Variants in SLC12A2 observed in about 807,000 individuals in gnomAD.
SLC12A2 encodes Na-K-2Cl cotransporter 1.
Under a neutral mutation model 136.3 loss-of-function variants are expected in SLC12A2, and 67 were observed. The ratio of observed to expected loss-of-function variants is 0.49; its 90% CI spans 0.40 to 0.60. The LOEUF is 0.60. SLC12A2 is among the 20% of genes least tolerant of loss of function. The pLI is 0.00. For missense variants in SLC12A2, 1,322 were observed against 1,534.7 expected (o/e 0.86, Z 2.32); for synonymous variants, 619 against 562.9 (o/e 1.10, Z -1.41).
rs1222541724 is a variant in SLC12A2 at position 128,186,537 on chromosome 5, T to A, written c.3545T>A (p.Leu1182His). The A allele has an allele frequency of 2.2e-5, 36 of 1,613,664 alleles. No homozygotes were observed. Among genetic ancestry groups the A allele is most frequent in the Non-Finnish European group, 3.0e-5 (35 of 1,179,900 alleles). The change falls in exon 27 of 27, where the codon CTC becomes CAC. Residue 1182 changes from leucine (L) to histidine (H), a missense_variant. Leu to His is a moderately conservative substitution (Grantham distance 99, BLOSUM62 -3). Coordinates refer to ENST00000262461, the MANE Select transcript of SLC12A2 (RefSeq NM_001046.3). ...VARKGAVSSA[L>H]YMAWLEALSK... is the part of the protein sequence containing the mutation. Reference sequence around the variant, plus strand: ...CGAAAAGGTGCTGTGTCTAGTGCTCTCTACATGGCATGGTTAGAAGCTCTA... The same window carrying A: ...CGAAAAGGTGCTGTGTCTAGTGCTCACTACATGGCATGGTTAGAAGCTCTA...
intron 23 of SLC12A2, 111 bp downstream of exon 23, chr5:128,181,105 T>TG (rs1188199716): frequency 1.2e-5 from 9 of 739,818 alleles, no homozygotes; most frequent in Non-Finnish European, 2.1e-5. Flanking sequence ...TATCTTGCTT[T>TG]GTTCTTTACT....
intron 15 of SLC12A2, among the ~76,000 whole-genome samples, chr5:128,153,604 G>A (rs1368986371): frequency 2.0e-5 from 3 of 151,986 alleles, no homozygotes; most frequent in African/African-American, 2.4e-5. Context: ...ATTAACCATC[G>A]GTATAAACTT....
intron 1 of SLC12A2, among the ~76,000 whole-genome samples, chr5:128,104,105 T>C (rs1581061863): frequency 6.6e-6 from 1 of 152,088 alleles, no homozygotes; most frequent in African/African-American, 2.4e-5. Context: ...GGTCTAGAGG[T>C]TGCAGTGGGA....
Position 128,084,602 on chromosome 5 carries a change from C to T in SLC12A2, c.648C>T (p.Asn216=), listed in dbSNP as rs774463605. ...ACTACCTGCGCACCTTCGGCCACAA[C>T]ACCATGGACGCTGTGCCCAGGATCG... ...NTYYLRTFGH[N]TMDAVPRIDH... The change falls in exon 1 of 27, where the codon AAC becomes AAT. Residue 216 remains asparagine, a synonymous_variant. Transcript: ENST00000262461. The surrounding 1 kb of genome is among the most constrained non-coding windows in gnomAD (Gnocchi z 5.6). The T allele has an allele frequency of 2.5e-6, 4 of 1,613,670 alleles. No homozygotes were observed. The South Asian group carries it at 3.3e-5, about 13-fold the overall frequency.
intron 1 of SLC12A2, among the ~76,000 whole-genome samples, chr5:128,099,015 C>A (rs532862782): frequency 6.6e-6 from 1 of 152,280 alleles, no homozygotes; most frequent in Non-Finnish European, 1.5e-5. Flanking sequence ...AGGGATCTGA[C>A]AAAAGTGCAG....
intron 4 of SLC12A2, among the ~76,000 whole-genome samples, chr5:128,125,581 T>C (rs1333439858): frequency 1.3e-5 from 2 of 152,210 alleles, no homozygotes; most frequent in Non-Finnish European, 2.9e-5. Flanking sequence ...TGTGTGTATT[T>C]GTTCTCAGTC....
intron 10 of SLC12A2, among the ~76,000 whole-genome samples, chr5:128,146,901 G>C (rs911395986): frequency 1.7e-4 from 26 of 151,514 alleles, no homozygotes; most frequent in African/African-American, 6.3e-4. Context: ...GATAGAACCA[G>C]TTTACTAGAA....
At position 128,122,524 on chromosome 5, in the gene SLC12A2, T is replaced by C. The variant is rs529697154; in HGVS notation, c.1048+7843T>C. On this transcript the variant is annotated intron_variant, in intron 4 of 26. Coordinates refer to ENST00000262461, the MANE Select transcript of SLC12A2 (RefSeq NM_001046.3). ...GATAGTGAGAACAAAAAATCAATTA[T>C]ACCCATTTTTTAACAAAATTAATTT... Among the ~76,000 whole-genome samples, 4 of 152,318 alleles carry C rather than the reference T, an allele frequency of 2.6e-5. No individual in the cohort carries two copies. In the South Asian group the frequency reaches 6.2e-4, roughly 24 times the overall value.
intron 14 of SLC12A2, 26 bp from the exon 15 acceptor site, chr5:128,152,680 G>C: frequency 7.1e-7 from 1 of 1,404,106 alleles, no homozygotes. Flanking sequence ...TGATGTTAAT[G>C]CTGCATGAAC....
rs70997362 is a variant in SLC12A2 at position 128,102,596 on chromosome 5, CTTTTTTTTTTTT to C, written c.757-10198_757-10187del. The stretch of plus-strand genomic sequence containing the variant: ...TTCTGTAATTCACCCCCCCCCCCGC[CTTTTTTTTTTTT>C]TTTTTTTTTTTTTTTTTTTCTTTTG... On this transcript the variant is annotated intron_variant, in intron 1 of 26. Transcript: ENST00000262461. Among the ~76,000 whole-genome samples the C allele has an allele frequency of 2.8e-3, 112 of 40,460 alleles. 2 individuals are homozygous for C. The highest frequency in any genetic ancestry group is 6.9e-3 in the East Asian group (12 of 1,746). The allele number at this position is 40,460 out of a possible 152,430, so 26.5% of individuals were successfully genotyped here. A position where few individuals can be genotyped will look rare whatever the true frequency, so the allele number is the denominator to read the frequency against.
chr5:128,086,352 AAC>A (rs1181033396), intron 1 of SLC12A2, among the ~76,000 whole-genome samples: 1 of 152,220 alleles, frequency 6.6e-6, no homozygotes, highest in East Asian at 1.9e-4. Flanking sequence ...TCTAAAAAAC[AAC>A]ACCTGTACTG....
intron 4 of SLC12A2, among the ~76,000 whole-genome samples, chr5:128,119,608 T>A (rs1761480086): frequency 6.6e-6 from 1 of 152,254 alleles, no homozygotes; most frequent in Admixed American, 6.5e-5. Flanking sequence ...AGTACCATGC[T>A]GTTTTGGTTA....
In SLC12A2 at chr5:128,138,802, A is replaced by T. The variant is rs1167038591; in HGVS notation, c.1537-22A>T. The stretch of plus-strand genomic sequence containing the variant: ...ATATTTATTTTTACAGATAGACTTT[A>T]AAAAATCTTCTTGTCTTCTAGGATC... On this transcript the variant is annotated intron_variant, in intron 8 of 26. Transcript: ENST00000262461. 4 of 1,605,980 alleles carry T rather than the reference A, an allele frequency of 2.5e-6. No individual in the cohort carries two copies. The African/African-American group carries it at 4.0e-5, about 16-fold the overall frequency.
intron 17 of SLC12A2, among the ~76,000 whole-genome samples, chr5:128,165,167 G>A (rs1315505292): frequency 6.6e-6 from 1 of 152,072 alleles, no homozygotes; most frequent in South Asian, 2.1e-4. Context: ...TTAAAAAAGA[G>A]ACAATCTTAT....
chr5:128,113,049 A>G, intron 2 of SLC12A2, 116 bp downstream of exon 2: 1 of 881,180 alleles, frequency 1.1e-6, no homozygotes, highest in Non-Finnish European at 1.6e-6. Context: ...TAACTGTCTT[A>G]TCTGAGTGCT....
At chr5:128,146,641 T>C (rs532932259) in intron 10 of SLC12A2, among the ~76,000 whole-genome samples, 4 of 151,640 alleles carry the variant, frequency 2.6e-5, no homozygotes, top group Admixed American at 6.6e-5. Context: ...TTATCAGTTA[T>C]CAATGCATGG....
chr5:128,115,909 G>A (rs1213569344), intron 4 of SLC12A2, among the ~76,000 whole-genome samples: 3 of 152,152 alleles, frequency 2.0e-5, no homozygotes, highest in Non-Finnish European at 2.9e-5. Context: ...CTGGTATCTT[G>A]TATCAATATG....
chr5:128,109,879 C>T, intron 1 of SLC12A2: 1 of 789,062 alleles, frequency 1.3e-6, no homozygotes, highest in Non-Finnish European at 2.3e-6. Flanking sequence ...AGCCAGTGTG[C>T]CATGAGAATT....
chr5:128,084,155 G>T lies in SLC12A2; in HGVS notation c.201G>T (p.Gly67=). Residue 67 remains glycine (G), a synonymous_variant, in exon 1 of 27, where the codon GGG becomes GGT. Transcript: ENST00000262461. The surrounding 1 kb of genome is among the most constrained non-coding windows in gnomAD (Gnocchi z 5.6). ...RDEGPAAAGD[G]LGRPLGPTPS... is the part of the protein sequence containing the mutation. ...AGGGCCCCGCGGCGGCCGGGGACGG[G>T]CTGGGCAGACCCTTGGGGCCCACCC... 7.7e-7 allele frequency: 1 copy of T among 1,298,248 alleles called. No homozygotes were observed. Among genetic ancestry groups the T allele is most frequent in the South Asian group, 2.3e-5 (1 of 42,700 alleles). 80.4% of individuals were successfully genotyped at this position (1,298,248 alleles called of 1,614,324 possible).
Sources: gnomAD v4.1 joint callset for allele counts (sites outside exome capture counted in the v4.1 genomes callset) on GRCh38, gnomAD v4.1.1 for gene constraint, Gnocchi (gnomAD v3.1) non-coding constraint, MANE v1.5 for transcripts, NCBI Gene and HGNC (gene_info 2026-07-23, HGNC 2026-07-21) for gene names.